Variants in NECTIN1 observed in about 807,000 individuals in gnomAD.
NECTIN1 encodes the protein nectin-1.
A neutral mutation model predicts 48.0 loss-of-function variants in NECTIN1; 23 were observed. The ratio of observed to expected loss-of-function variants is 0.48; its 90% CI spans 0.34 to 0.68. The LOEUF (loss-of-function observed/expected upper bound fraction) is 0.68. Among genes scored for constraint, NECTIN1 ranks in the 30% least tolerant of loss-of-function variants. The pLI is 0.01. For synonymous variants in NECTIN1, 270 were observed against 288.9 expected, an observed-to-expected ratio of 0.93 and a Z score of 0.66; for missense variants, 591 against 709.9, an observed-to-expected ratio of 0.83 and a Z score of 1.90.
intron 1 of NECTIN1, among the ~76,000 whole-genome samples, chr11:119,679,275 G>A (rs1334551147): frequency 2.0e-5 from 3 of 152,246 alleles, no homozygotes; most frequent in Admixed American, 1.3e-4. Context: ...TCTACCTCAC[G>A]AGGTTACTGG....
In NECTIN1 at chr11:119,665,866, T is replaced by C. The variant is rs1359972493; in HGVS notation, c.1004-569A>G. On this transcript the variant is annotated intron_variant, in intron 5 of 5. Transcript: ENST00000264025. The surrounding 1 kb of genome is among the most constrained non-coding windows in gnomAD (Gnocchi z 5.1). ...CTGCCCCAACACTATCAACTTGGCT[T>C]CCAAGACCCAGAACCAGGAGCCACC... Among the ~76,000 whole-genome samples the C allele has an allele frequency of 1.3e-5, 2 of 152,200 alleles. No individual in the cohort carries two copies. The highest frequency in any genetic ancestry group is 4.8e-5 in the African/African-American group (2 of 41,456).
At chr11:119,639,468 T>G (rs1408044087) in intron 6 of NECTIN1, 8 of 309,094 alleles carry the variant, frequency 2.6e-5, no homozygotes. Context: ...CCATATACTT[T>G]GTGCCTCTCT....
intron 1 of NECTIN1, among the ~76,000 whole-genome samples, chr11:119,696,101 A>G (rs1865336964): frequency 6.6e-6 from 1 of 152,160 alleles, no homozygotes; most frequent in Admixed American, 6.5e-5. Flanking sequence ...GGGTAAGTCT[A>G]TACATATATT....
At chr11:119,724,309 C>T (rs1356375180) in intron 1 of NECTIN1, among the ~76,000 whole-genome samples, 1 of 152,158 alleles carries the variant, frequency 6.6e-6, no homozygotes, top group African/African-American at 2.4e-5. Flanking sequence ...CAGGTAATGC[C>T]AGGTTCCAGT....
At chr11:119,693,113 G>A (rs1865288424) in intron 1 of NECTIN1, among the ~76,000 whole-genome samples, 1 of 152,168 alleles carries the variant, frequency 6.6e-6, no homozygotes, top group Non-Finnish European at 1.5e-5. Context: ...TATGACTGAA[G>A]ACTCCAGACA....
At chr11:119,724,259 C>T (rs1565406015) in intron 1 of NECTIN1, among the ~76,000 whole-genome samples, 2 of 152,168 alleles carry the variant, frequency 1.3e-5, no homozygotes, top group Admixed American at 6.5e-5. Context: ...CCCTCCCAGC[C>T]GTTCATGGAT....
At chr11:119,716,190 A>C (rs1318040704) in intron 1 of NECTIN1, among the ~76,000 whole-genome samples, 1 of 151,962 alleles carries the variant, frequency 6.6e-6, no homozygotes, top group Non-Finnish European at 1.5e-5. Flanking sequence ...ACTAAGACAT[A>C]CTCTGCTTGC....
At chr11:119,721,650 G>T (rs959329187) in intron 1 of NECTIN1, among the ~76,000 whole-genome samples, 1 of 152,198 alleles carries the variant, frequency 6.6e-6, no homozygotes, top group South Asian at 2.1e-4. Context: ...GCCAGCCCCC[G>T]TGCCTGTCTG....
At chr11:119,653,649 T>G (rs1864524284) in intron 5 of NECTIN1, among the ~76,000 whole-genome samples, 1 of 152,204 alleles carries the variant, frequency 6.6e-6, no homozygotes, top group Non-Finnish European at 1.5e-5. Flanking sequence ...TGATGTTGTT[T>G]CCATGACGAG....
chr11:119,721,439 G>A (rs771174619), intron 1 of NECTIN1, among the ~76,000 whole-genome samples: 1 of 152,154 alleles, frequency 6.6e-6, no homozygotes, highest in Non-Finnish European at 1.5e-5. Context: ...CCTGGGCCAC[G>A]CCCGCAGCTG....
At position 119,709,797 on chromosome 11, in the gene NECTIN1, T is replaced by C. The variant is rs1865605936; in HGVS notation, c.79+18678A>G. The stretch of plus-strand genomic sequence containing the variant: ...GCGGGTTTGAGGGGGAGGACCTAGC[T>C]GGTTTTTCCCAGCATCCCCCAGGCC... On this transcript the variant is annotated intron_variant, in intron 1 of 5. Transcript: ENST00000264025. The surrounding 1 kb of genome is among the most constrained non-coding windows in gnomAD (Gnocchi z 4.1). 6.6e-6 allele frequency: 1 copy of C among 152,192 alleles called. No individual in the cohort carries two copies. Among genetic ancestry groups the C allele is most frequent in the Non-Finnish European group, 1.5e-5 (1 of 68,070 alleles). 9.4% of individuals were successfully genotyped at this position (152,192 alleles called of 1,614,324 possible). A position where few individuals can be genotyped will look rare whatever the true frequency, so the allele number is the denominator to read the frequency against.
intron 5 of NECTIN1, among the ~76,000 whole-genome samples, chr11:119,650,255 T>C (rs909590109): frequency 1.2e-4 from 18 of 152,288 alleles, no homozygotes; most frequent in African/African-American, 4.3e-4. Context: ...GATGTGTACG[T>C]GCAGGTCACA....
chr11:119,639,813 G>A, intron 6 of NECTIN1: 3 of 1,610,594 alleles, frequency 1.9e-6, no homozygotes, highest in East Asian at 2.2e-5. Flanking sequence ...CTCCCAGGGT[G>A]CTGGGGAGCA....
At chr11:119,702,511 T>C (rs969515127) in intron 1 of NECTIN1, among the ~76,000 whole-genome samples, 1 of 152,226 alleles carries the variant, frequency 6.6e-6, no homozygotes, top group Non-Finnish European at 1.5e-5. Flanking sequence ...TTCCTTCTGC[T>C]TCTGGTTGGG....
chr11:119,702,861 C>T (rs1402436663), intron 1 of NECTIN1, among the ~76,000 whole-genome samples: 1 of 152,158 alleles, frequency 6.6e-6, no homozygotes, highest in Non-Finnish European at 1.5e-5. Flanking sequence ...CCCAGGGTCT[C>T]TTCCTCTTTT....
intron 1 of NECTIN1, among the ~76,000 whole-genome samples, chr11:119,720,803 G>C (rs1865815752): frequency 6.6e-6 from 1 of 152,178 alleles, no homozygotes; most frequent in Non-Finnish European, 1.5e-5. Flanking sequence ...CCTGTCTTTG[G>C]TGGGAAGAAC....
intron 1 of NECTIN1, among the ~76,000 whole-genome samples, chr11:119,688,174 C>T (rs188327828): frequency 6.6e-6 from 1 of 152,274 alleles, no homozygotes; most frequent in African/African-American, 2.4e-5. Context: ...TAAAATGGGG[C>T]CAGTAATAGT....
At position 119,684,088 on chromosome 11, in the gene NECTIN1, G is replaced by A. The variant is rs915466241; in HGVS notation, c.80-5323C>T. Among the ~76,000 whole-genome samples, 10 of 152,332 alleles carry A rather than the reference G, an allele frequency of 6.6e-5. No individual in the cohort carries two copies. The highest frequency in any genetic ancestry group is 2.4e-4 in the African/African-American group (10 of 41,576). ...CACAGGTTCCCACGCAGCGGGGTGT[G>A]GCACACTTCGCTCCCCACATACCCA... On this transcript the variant is annotated intron_variant, in intron 1 of 5. Coordinates refer to ENST00000264025, the MANE Select transcript of NECTIN1 (RefSeq NM_002855.5). This position sits in a 1 kb window ranked among gnomAD's most constrained non-coding sequence, Gnocchi z 5.2.
Position 119,714,497 on chromosome 11 carries a change from G to A in NECTIN1, c.79+13978C>T, listed in dbSNP as rs116233034. On this transcript the variant is annotated intron_variant, in intron 1 of 5. Transcript: ENST00000264025. Reference sequence around the variant, plus strand: ...CAGCCCCACATCCATCCCCCATGGCGGTGCAGGCAGGTGGGGAGCACAGCC... The same window carrying A: ...CAGCCCCACATCCATCCCCCATGGCAGTGCAGGCAGGTGGGGAGCACAGCC... 1.0e-2 allele frequency among the ~76,000 whole-genome samples: 1,521 copies of A among 152,182 alleles called. 21 individuals are homozygous for A. Among genetic ancestry groups the A allele is most frequent in the African/African-American group, 0.028 (1,171 of 41,508 alleles).
Sources: gnomAD v4.1 joint callset for allele counts (sites outside exome capture counted in the v4.1 genomes callset) on GRCh38, gnomAD v4.1.1 for gene constraint, Gnocchi (gnomAD v3.1) non-coding constraint, MANE v1.5 for transcripts, NCBI Gene and HGNC (gene_info 2026-07-23, HGNC 2026-07-21) for gene names.